SLC35F1: variants seen among roughly 807,000 people sequenced by gnomAD.
SLC35F1 encodes chromosome 6 open reading frame 169.
SLC35F1 carries 14 observed loss-of-function variants against 48.7 expected under a neutral mutation model. The observed-to-expected ratio is 0.29, with a 90% CI of 0.19 to 0.45. The LOEUF (loss-of-function observed/expected upper bound fraction) is 0.45, where lower values mean the gene tolerates loss of function less well. Ranked by LOEUF, SLC35F1 falls within the 20% of genes least tolerant of loss-of-function variation. The pLI, the probability that SLC35F1 is intolerant of heterozygous loss-of-function variation, is 1.00. For missense variants in SLC35F1, 404 were observed against 500.0 expected (o/e 0.81, Z 1.83); for synonymous variants, 190 against 202.2 (o/e 0.94, Z 0.51).
At chr6:118,157,139 C>G (rs1281979344) in intron 2 of SLC35F1, among the ~76,000 whole-genome samples, 1 of 152,050 alleles carries the variant, frequency 6.6e-6, no homozygotes, top group African/African-American at 2.4e-5. Flanking sequence ...CTCTGACAGC[C>G]CAGGAAACTG....
intron 1 of SLC35F1, among the ~76,000 whole-genome samples, chr6:118,152,415 C>T (rs1357551854): frequency 6.6e-6 from 1 of 152,090 alleles, no homozygotes; most frequent in African/African-American, 2.4e-5. Flanking sequence ...CATCTACATG[C>T]CCTAAAACAG....
chr6:118,082,488 T>A (rs565779368), intron 1 of SLC35F1, among the ~76,000 whole-genome samples: 1 of 152,260 alleles, frequency 6.6e-6, no homozygotes, highest in South Asian at 2.1e-4. Context: ...GAATATTGAA[T>A]GAACAGTAAT....
intron 1 of SLC35F1, among the ~76,000 whole-genome samples, chr6:118,005,678 T>A (rs939949907): frequency 6.6e-6 from 1 of 152,238 alleles, no homozygotes; most frequent in African/African-American, 2.4e-5. Flanking sequence ...AGCTTTCTGT[T>A]ACTCACAGTA....
chr6:118,168,659 T>C (rs890851485), intron 2 of SLC35F1, among the ~76,000 whole-genome samples: 1 of 152,164 alleles, frequency 6.6e-6, no homozygotes, highest in Admixed American at 6.5e-5. Flanking sequence ...CAGTTATATA[T>C]AGGTCAGTGG....
At chr6:118,000,287 G>A (rs556637238) in intron 1 of SLC35F1, among the ~76,000 whole-genome samples, 3 of 152,080 alleles carry the variant, frequency 2.0e-5, no homozygotes, top group Admixed American at 6.5e-5. Flanking sequence ...ATGCAAGGCT[G>A]GTTCAATATA....
intron 1 of SLC35F1, among the ~76,000 whole-genome samples, chr6:118,128,187 A>G (rs1489993097): frequency 6.8e-6 from 1 of 146,328 alleles, no homozygotes; most frequent in Non-Finnish European, 1.5e-5. Flanking sequence ...ATGTGGAGAA[A>G]TAGGAACACT....
chr6:118,253,776 A>G (rs149327618), intron 3 of SLC35F1, among the ~76,000 whole-genome samples: 1 of 152,174 alleles, frequency 6.6e-6, no homozygotes, highest in African/African-American at 2.4e-5. Flanking sequence ...CGGCCAGGCA[A>G]TTTAGCCTTG....
intron 2 of SLC35F1, among the ~76,000 whole-genome samples, chr6:118,209,342 G>A (rs1364220954): frequency 1.3e-5 from 2 of 151,298 alleles, no homozygotes; most frequent in Admixed American, 1.3e-4. Flanking sequence ...CTTTTGATGG[G>A]TGTGGAAAGG....
chr6:118,243,301 C>G (rs762543831), intron 3 of SLC35F1, among the ~76,000 whole-genome samples: 2 of 152,076 alleles, frequency 1.3e-5, no homozygotes, highest in African/African-American at 4.8e-5. Context: ...ATTTGGCATA[C>G]GTATTACTTT....
chr6:117,932,691 T>G (rs1397609664), intron 1 of SLC35F1, among the ~76,000 whole-genome samples: 1 of 152,204 alleles, frequency 6.6e-6, no homozygotes, highest in Non-Finnish European at 1.5e-5. Flanking sequence ...TCAAGGATGA[T>G]ATGAAGTTTT....
At chr6:118,036,301 TTTAA>T (rs1480229919) in intron 1 of SLC35F1, among the ~76,000 whole-genome samples, 2 of 152,194 alleles carry the variant, frequency 1.3e-5, no homozygotes, top group East Asian at 3.8e-4. Flanking sequence ...AGAAATGTGG[TTTAA>T]TTTTCAGATA....
chr6:118,236,085 TA>T (rs1160135094), intron 3 of SLC35F1, among the ~76,000 whole-genome samples: 6 of 152,200 alleles, frequency 3.9e-5, no homozygotes, highest in African/African-American at 1.4e-4. Flanking sequence ...AACTGCTTAA[TA>T]ATCTTTTCTT....
chr6:117,982,653 T>C (rs938001472), intron 1 of SLC35F1, among the ~76,000 whole-genome samples: 8 of 152,204 alleles, frequency 5.3e-5, no homozygotes, highest in African/African-American at 1.9e-4. Context: ...GACTCCACTC[T>C]GCTTGGAAAG....
intron 2 of SLC35F1, among the ~76,000 whole-genome samples, chr6:118,162,465 A>G (rs1472144466): frequency 2.0e-5 from 3 of 152,194 alleles, no homozygotes; most frequent in Non-Finnish European, 2.9e-5. Flanking sequence ...TTACCTGACT[A>G]TATACATTTG....
chr6:117,990,460 G>T (rs571031220), intron 1 of SLC35F1, among the ~76,000 whole-genome samples: 1 of 152,326 alleles, frequency 6.6e-6, no homozygotes, highest in Middle Eastern at 3.4e-3. Flanking sequence ...CTAGGTAACT[G>T]AAGAAGTATA....
chr6:118,066,582 C>T (rs1772616841), intron 1 of SLC35F1, among the ~76,000 whole-genome samples: 2 of 152,192 alleles, frequency 1.3e-5, no homozygotes, highest in South Asian at 4.1e-4. Context: ...ATAAACTATG[C>T]CTGGGCTCTT....
At chr6:118,060,489 G>T (rs1772522127) in intron 1 of SLC35F1, among the ~76,000 whole-genome samples, 1 of 151,874 alleles carries the variant, frequency 6.6e-6, no homozygotes, top group South Asian at 2.1e-4. Context: ...ACTACACAAA[G>T]GATACCCACA....
intron 5 of SLC35F1, among the ~76,000 whole-genome samples, chr6:118,276,952 C>G (rs527801313): frequency 9.2e-5 from 14 of 152,122 alleles, no homozygotes. Context: ...AAAATATGGT[C>G]CTCTGAGCAG....
chr6:118,098,929 A>T (rs937309452), intron 1 of SLC35F1, among the ~76,000 whole-genome samples: 2 of 152,024 alleles, frequency 1.3e-5, no homozygotes, highest in Non-Finnish European at 2.9e-5. Context: ...TCATTTTCTC[A>T]CCACTGTGTT....
Sources: gnomAD v4.1 joint callset for allele counts (sites outside exome capture counted in the v4.1 genomes callset) on GRCh38, gnomAD v4.1.1 for gene constraint, MANE v1.5 for transcripts, NCBI Gene and HGNC (gene_info 2026-07-23, HGNC 2026-07-21) for gene names.